Variants in TAF2 observed in about 807,000 individuals in gnomAD.
TAF2 encodes transcription initiation factor TFIID subunit 2.
A neutral mutation model predicts 138.5 loss-of-function variants in TAF2; 61 were observed. That is an observed-to-expected ratio of 0.44 (90% CI 0.36 to 0.54). The LOEUF is 0.54. Among genes scored for constraint, TAF2 ranks in the 20% least tolerant of loss-of-function variants. The pLI, the probability that TAF2 is intolerant of heterozygous loss-of-function variation, is 0.00. For missense variants in TAF2, 1,090 were observed against 1,427.9 expected (o/e 0.76, Z 3.81); for synonymous variants, 475 against 469.9 (o/e 1.01, Z -0.14).
At chr8:119,742,508 T>C (rs1244627060) in intron 25 of TAF2, 26 bp downstream of exon 25, 9 of 1,610,180 alleles carry the variant, frequency 5.6e-6, no homozygotes, top group Non-Finnish European at 7.6e-6. Context: ...AACAAAATAA[T>C]ATTAATTCTG....
At chr8:119,756,536 G>A (rs1292907937) in intron 21 of TAF2, among the ~76,000 whole-genome samples, 1 of 151,932 alleles carries the variant, frequency 6.6e-6, no homozygotes, top group Non-Finnish European at 1.5e-5. Flanking sequence ...TCTTAACATG[G>A]AGCAAAAAAA....
chr8:119,762,917 T>TAA (rs879412634), intron 18 of TAF2: 100 of 186,598 alleles, frequency 5.4e-4, no homozygotes, highest in East Asian at 1.1e-3. Flanking sequence ...AGGAAGCCAC[T>TAA]AAAAAAAAAA....
chr8:119,792,128 C>T (rs1405590925), intron 10 of TAF2, among the ~76,000 whole-genome samples: 1 of 150,812 alleles, frequency 6.6e-6, no homozygotes, highest in Non-Finnish European at 1.5e-5. Context: ...ATGATAAATG[C>T]CTAGAAGAAT....
chr8:119,814,177 T>G (rs568302569), intron 3 of TAF2, among the ~76,000 whole-genome samples: 1 of 151,816 alleles, frequency 6.6e-6, no homozygotes, highest in African/African-American at 2.4e-5. Context: ...CCTGCCGAAC[T>G]GGAAGTATTC....
At chr8:119,830,928 A>G (rs1039230090) in intron 2 of TAF2, among the ~76,000 whole-genome samples, 2 of 152,158 alleles carry the variant, frequency 1.3e-5, no homozygotes, top group African/African-American at 4.8e-5. Flanking sequence ...CAACATGGAG[A>G]AAACTCTGAC....
intron 18 of TAF2, among the ~76,000 whole-genome samples, chr8:119,769,255 C>CA (rs1323859165): frequency 1.3e-5 from 2 of 151,790 alleles, no homozygotes; most frequent in African/African-American, 2.4e-5. Context: ...GAAGTACAGC[C>CA]AAAAAAATAC....
At chr8:119,831,601 T>C (rs1826449677) in intron 2 of TAF2, 76 bp downstream of exon 2, 7 of 1,095,176 alleles carry the variant, frequency 6.4e-6, no homozygotes, top group Non-Finnish European at 9.7e-6. Flanking sequence ...ACAAACTTTC[T>C]AAGTACTGTG....
chr8:119,753,550 G>T (rs1249933202), intron 22 of TAF2, among the ~76,000 whole-genome samples: 1 of 152,056 alleles, frequency 6.6e-6, no homozygotes, highest in African/African-American at 2.4e-5. Flanking sequence ...AACTGTTTAT[G>T]ACTATAGCCT....
At chr8:119,783,705 C>T in intron 15 of TAF2, 72 bp from the exon 16 acceptor site, 1 of 1,495,482 alleles carries the variant, frequency 6.7e-7, no homozygotes, top group Non-Finnish European at 9.0e-7. Flanking sequence ...AAAATAAATA[C>T]AAAGCATTTA....
intron 17 of TAF2, among the ~76,000 whole-genome samples, chr8:119,779,432 T>G (rs1028395186): frequency 2.6e-5 from 4 of 152,144 alleles, no homozygotes; most frequent in African/African-American, 9.7e-5. Context: ...TAACTCCAAT[T>G]TGAAACACTG....
chr8:119,738,815 A>G (rs1283314417), intron 25 of TAF2, among the ~76,000 whole-genome samples: 1 of 152,144 alleles, frequency 6.6e-6, no homozygotes, highest in Non-Finnish European at 1.5e-5. Context: ...CACCTTAGGT[A>G]TATGTTTAAA....
At chr8:119,810,017 A>AAAAC (rs1554659431) in intron 3 of TAF2, among the ~76,000 whole-genome samples, 128 of 151,340 alleles carry the variant, frequency 8.5e-4, no homozygotes, top group Non-Finnish European at 1.4e-3. Context: ...AAAAAAAAAA[A>AAAAC]CAGTATCTGC....
intron 3 of TAF2, among the ~76,000 whole-genome samples, chr8:119,811,349 CTATT>C (rs2131233593): frequency 6.6e-6 from 1 of 151,544 alleles, no homozygotes; most frequent in African/African-American, 2.4e-5. Flanking sequence ...AACTTTCCCT[CTATT>C]TAAAAAATTT....
chr8:119,809,998 T>TAAAAAAA lies in TAF2; in HGVS notation c.300-3604_300-3598dup, dbSNP rs56281726. On this transcript the variant is annotated intron_variant, in intron 3 of 25. Coordinates refer to ENST00000378164, the MANE Select transcript of TAF2 (RefSeq NM_003184.4). ...AAGGTTATCACAAACCTTCAATTTGTAAAAAAAAAAAAAAAAAAACAGTAT... is the reference window on the plus strand; with the variant it reads ...AAGGTTATCACAAACCTTCAATTTGTAAAAAAAAAAAAAAAAAAAAAAAAAACAGTAT... 1.5e-4 allele frequency among the ~76,000 whole-genome samples: 18 copies of TAAAAAAA among 117,616 alleles called. 1 individual carries two copies. Among genetic ancestry groups the TAAAAAAA allele is most frequent in the South Asian group, 2.8e-4 (1 of 3,582 alleles). 77.2% of individuals were successfully genotyped at this position (117,616 alleles called of 152,430 possible). A position where few individuals can be genotyped will look rare whatever the true frequency, so the allele number is the denominator to read the frequency against.
intron 23 of TAF2, among the ~76,000 whole-genome samples, chr8:119,746,373 C>CAAAAAAAAA (rs11392436): frequency 3.7e-5 from 2 of 54,322 alleles, no homozygotes; most frequent in Non-Finnish European, 6.7e-5. Context: ...AACTCTGTCT[C>CAAAAAAAAA]AAAAAAAAAA....
At chr8:119,809,744 G>C (rs1217636335) in intron 3 of TAF2, among the ~76,000 whole-genome samples, 2 of 152,278 alleles carry the variant, frequency 1.3e-5, no homozygotes, top group South Asian at 2.1e-4. Flanking sequence ...AGAGTAGTCA[G>C]AACACACACA....
intron 25 of TAF2, among the ~76,000 whole-genome samples, chr8:119,740,854 G>A (rs539448518): frequency 6.6e-6 from 1 of 152,068 alleles, no homozygotes; most frequent in South Asian, 2.1e-4. Flanking sequence ...AGTGACCTCA[G>A]AGTACTGAAC....
intron 23 of TAF2, 83 bp from the exon 24 acceptor site, chr8:119,744,476 C>T: frequency 8.6e-7 from 1 of 1,166,976 alleles, no homozygotes; most frequent in Non-Finnish European, 1.3e-6. Flanking sequence ...GGAAAAGTAG[C>T]AGAGAGGCCA....
intron 10 of TAF2, among the ~76,000 whole-genome samples, chr8:119,792,235 C>A (rs1823487796): frequency 6.6e-6 from 1 of 151,132 alleles, no homozygotes; most frequent in Admixed American, 6.6e-5. Context: ...CTCACTGCAA[C>A]CTCCACCTCC....
Sources: gnomAD v4.1 joint callset for allele counts (sites outside exome capture counted in the v4.1 genomes callset) on GRCh38, gnomAD v4.1.1 for gene constraint, MANE v1.5 for transcripts, NCBI Gene and HGNC (gene_info 2026-07-23, HGNC 2026-07-21) for gene names.